Variants in UGT1A9 observed in about 807,000 individuals in gnomAD.
The protein encoded by UGT1A9 is UDP glucuronosyltransferase family 1 member A9, also known as UDP-glucuronosyltransferase 1A9.
Under a neutral mutation model 45.0 loss-of-function variants are expected in UGT1A9, and 35 were observed. The observed-to-expected ratio is 0.78, with a 90% CI of 0.59 to 1.03. The LOEUF (loss-of-function observed/expected upper bound fraction) is 1.03, where lower values mean the gene tolerates loss of function less well. Ranked by LOEUF, UGT1A9 falls within the 50% of genes least tolerant of loss-of-function variation. The pLI is 0.00. For missense variants in UGT1A9, 687 were observed against 666.6 expected (o/e 1.03, Z -0.34); for synonymous variants, 278 against 250.6 (o/e 1.11, Z -1.03).
chr2:233,718,962 T>G (rs2011425), intron 1 of UGT1A9: 152,197 of 1,614,090 alleles, frequency 0.094, 8,216 homozygotes, highest in South Asian at 0.19. Context: ...GCGGGAGGCC[T>G]TGCGGGAGCT....
At chr2:233,681,972 T>A (rs749327361) in intron 1 of UGT1A9, 1 of 1,614,142 alleles carries the variant, frequency 6.2e-7, no homozygotes, top group Non-Finnish European at 8.5e-7. Flanking sequence ...CTCCTTCCCC[T>A]ATATGTGTGT....
intron 1 of UGT1A9, among the ~76,000 whole-genome samples, chr2:233,764,762 A>G (rs1448451732): frequency 6.6e-6 from 1 of 152,160 alleles, no homozygotes; most frequent in Admixed American, 6.5e-5. Flanking sequence ...GACCCTAGGG[A>G]GGAAGGAGTT....
chr2:233,707,545 T>A (rs1006083249), intron 1 of UGT1A9, among the ~76,000 whole-genome samples: 1 of 152,170 alleles, frequency 6.6e-6, no homozygotes, highest in African/African-American at 2.4e-5. Flanking sequence ...TGCCTTTTTT[T>A]TTTTTTTGGT....
rs1297959872 is a variant in UGT1A9 at position 233,724,603 on chromosome 2, C to T, written c.856-42431C>T. ...CGCTCCCCACATCTCAGACGATGGG[C>T]GGCCGGGCAGAGACGCTCCTCACTT... On this transcript the variant is annotated intron_variant, in intron 1 of 4. Transcript: ENST00000354728. Among the ~76,000 whole-genome samples the T allele has an allele frequency of 1.4e-4, 18 of 132,966 alleles. 2 individuals are homozygous for T. In the South Asian group the frequency reaches 1.5e-3, roughly 11 times the overall value. The allele number at this position is 132,966 out of a possible 152,430, so 87.2% of individuals were successfully genotyped here.
Position 233,748,244 on chromosome 2 carries a change from G to A in UGT1A9, c.856-18790G>A, listed in dbSNP as rs181996074. Among the ~76,000 whole-genome samples the A allele has an allele frequency of 5.8e-4, 88 of 151,858 alleles. 1 individual carries two copies. Among genetic ancestry groups the A allele is most frequent in the African/African-American group, 1.9e-3 (79 of 41,160 alleles). ...AAACTGTTAAGGGGTCTCTAGTAGCGTATTTCAGGTTTTAAATGGTCAATG... is the reference window on the plus strand; with the variant it reads ...AAACTGTTAAGGGGTCTCTAGTAGCATATTTCAGGTTTTAAATGGTCAATG... On this transcript the variant is annotated intron_variant, in intron 1 of 4. Transcript: ENST00000354728.
intron 1 of UGT1A9, chr2:233,713,361 A>C (rs201722242): frequency 1.1e-5 from 17 of 1,614,070 alleles, no homozygotes; most frequent in African/African-American, 1.3e-5. Context: ...GTCTTTGATC[A>C]TACATAGGTC....
chr2:233,682,400 T>A, intron 1 of UGT1A9: 1 of 1,614,010 alleles, frequency 6.2e-7, no homozygotes, highest in Non-Finnish European at 8.5e-7. Context: ...TGCCTGTGGC[T>A]TAATTGTTGC....
intron 1 of UGT1A9, among the ~76,000 whole-genome samples, chr2:233,742,133 C>T (rs1691882264): frequency 6.6e-6 from 1 of 151,894 alleles, no homozygotes; most frequent in African/African-American, 2.4e-5. Context: ...GAGACCCTAA[C>T]CCAGCAGCGC....
chr2:233,673,332 T>C (rs1054412999), intron 1 of UGT1A9, among the ~76,000 whole-genome samples: 1 of 152,292 alleles, frequency 6.6e-6, no homozygotes, highest in Admixed American at 6.5e-5. Flanking sequence ...TATTAATAAT[T>C]GCATAAAATA....
chr2:233,718,957 A>T, intron 1 of UGT1A9: 1 of 1,614,184 alleles, frequency 6.2e-7, no homozygotes, highest in South Asian at 1.1e-5. Context: ...AGCATGCGGG[A>T]GGCCTTGCGG....
At chr2:233,713,624 C>G in intron 1 of UGT1A9, 1 of 1,613,964 alleles carries the variant, frequency 6.2e-7, no homozygotes, top group Non-Finnish European at 8.5e-7. Context: ...TGCAAAGGGT[C>G]AAGAACATGC....
chr2:233,690,776 TAC>T (rs34459843), intron 1 of UGT1A9: 249,360 of 961,196 alleles, frequency 0.26, 14,017 homozygotes, highest in African/African-American at 0.41. Flanking sequence ...CACACACACA[TAC>T]ACACACACAC....
intron 1 of UGT1A9, among the ~76,000 whole-genome samples, chr2:233,763,856 G>A (rs1698413440): frequency 6.6e-6 from 1 of 152,158 alleles, no homozygotes; most frequent in Non-Finnish European, 1.5e-5. Context: ...GTGGTTCACA[G>A]ACAATCGCAA....
chr2:233,693,995 G>T (rs7592281), intron 1 of UGT1A9: 60,670 of 1,516,734 alleles, frequency 0.04, 2,435 homozygotes, highest in East Asian at 0.2. Flanking sequence ...AGTGATACCC[G>T]GCTCGGAGCA....
At chr2:233,733,588 G>A (rs965491373) in intron 1 of UGT1A9, among the ~76,000 whole-genome samples, 3 of 152,178 alleles carry the variant, frequency 2.0e-5, no homozygotes, top group African/African-American at 7.2e-5. Flanking sequence ...CATTGGTTCT[G>A]TTTATGTGAT....
At chr2:233,716,112 T>C (rs2076486973) in intron 1 of UGT1A9, among the ~76,000 whole-genome samples, 1 of 152,226 alleles carries the variant, frequency 6.6e-6, no homozygotes, top group Admixed American at 6.5e-5. Context: ...ATTTAGTTTT[T>C]CCATCTTAGT....
chr2:233,729,226 G>C (rs1226081470), intron 1 of UGT1A9: 2 of 1,614,168 alleles, frequency 1.2e-6, no homozygotes, highest in Admixed American at 3.3e-5. Flanking sequence ...GGTGTTGGTG[G>C]TGCCCATTGA....
At position 233,693,511 on chromosome 2, in the gene UGT1A9, C is replaced by T. The variant is rs144317442; in HGVS notation, c.855+20722C>T. On this transcript the variant is annotated intron_variant, in intron 1 of 4. Transcript: ENST00000354728. ...AGTATTTGGGCCTACCATCTGTGTA[C>T]CTCTTCAGGGGTTTTCCGTGTTCCC... is the stretch of plus-strand genomic sequence containing the variant. The T allele has an allele frequency of 1.7e-3, 2,823 of 1,614,136 alleles. 9 individuals are homozygous for T. The highest frequency in any genetic ancestry group is 5.6e-3 in the Admixed American group (334 of 60,012).
chr2:233,717,965 T>C (rs535452476), intron 1 of UGT1A9: 52 of 449,572 alleles, frequency 1.2e-4, no homozygotes, highest in African/African-American at 5.6e-4. Flanking sequence ...CTGGAGCCTT[T>C]GGCATTCAGA....
Sources: gnomAD v4.1 joint callset for allele counts (sites outside exome capture counted in the v4.1 genomes callset) on GRCh38, gnomAD v4.1.1 for gene constraint, MANE v1.5 for transcripts, NCBI Gene and HGNC (gene_info 2026-07-23, HGNC 2026-07-21) for gene names.